PTPN3: variants seen among roughly 807,000 people sequenced by gnomAD.
PTPN3 encodes tyrosine-protein phosphatase non-receptor type 3.
A neutral mutation model predicts 132.7 loss-of-function variants in PTPN3; 96 were observed. The observed-to-expected ratio is 0.72, with a 90% CI of 0.61 to 0.86. The LOEUF (loss-of-function observed/expected upper bound fraction) is 0.86, where lower values mean the gene tolerates loss of function less well. Among genes scored for constraint, PTPN3 ranks in the 40% least tolerant of loss-of-function variants. The pLI is 0.00. For missense variants in PTPN3, 1,125 were observed against 1,159.6 expected (o/e 0.97, Z 0.43); for synonymous variants, 398 against 429.0 (o/e 0.93, Z 0.89).
At chr9:109,500,478 T>C (rs985519118), upstream of PTPN3, among the ~76,000 whole-genome samples, 3 of 152,052 alleles carry the variant, frequency 2.0e-5, no homozygotes, top group African/African-American at 7.2e-5. Context: ...AATGAAAGAA[T>C]ACTCCCCAAA....
intron 1 of PTPN3, among the ~76,000 whole-genome samples, chr9:109,493,682 G>T (rs917089594): frequency 6.6e-6 from 1 of 152,140 alleles, no homozygotes; most frequent in African/African-American, 2.4e-5. Flanking sequence ...CCCGTTCTTT[G>T]GTTCAGAAAA....
rs530200031 is a variant in PTPN3 at position 109,397,514 on chromosome 9, A to C, written c.1954-5953T>G. 2.0e-5 allele frequency: 3 copies of C among 152,294 alleles called. No homozygotes were observed. In the East Asian group the frequency reaches 5.8e-4, roughly 29 times the overall value. The allele number at this position is 152,294 out of a possible 1,614,324, so 9.4% of individuals were successfully genotyped here. On this transcript the variant is annotated intron_variant, in intron 19 of 25. Transcript: ENST00000374541. ...TTGTTTTAGTACCACTTGGTAGACA[A>C]ATTAACAGTTCACTACTCACGGGTA...
chr9:109,521,008 G>C, the PTPN3 span, among the ~76,000 whole-genome samples: 1 of 152,106 alleles, frequency 6.6e-6, no homozygotes, highest in Non-Finnish European at 1.5e-5. Flanking sequence ...TACTCACCTT[G>C]ATAGTCTCTC....
intron 1 of PTPN3, among the ~76,000 whole-genome samples, chr9:109,470,531 C>CA (rs35189837): frequency 0.3 from 41,133 of 137,838 alleles, 6,075 homozygotes; most frequent in South Asian, 0.41. Flanking sequence ...ATCATATCTA[C>CA]AAAAAAAAAA....
chr9:109,460,653 G>A (rs1008005689), intron 2 of PTPN3, among the ~76,000 whole-genome samples: 5 of 152,148 alleles, frequency 3.3e-5, no homozygotes, highest in African/African-American at 1.2e-4. Flanking sequence ...CCAGATGAAC[G>A]CCTGGTTCTT....
chr9:109,505,540 A>C, the PTPN3 span, among the ~76,000 whole-genome samples: 1 of 152,182 alleles, frequency 6.6e-6, no homozygotes, highest in South Asian at 2.1e-4. Context: ...TGGCCTCCCA[A>C]AGTGTTGGGA....
chr9:109,427,797 T>C (rs1843384949), intron 11 of PTPN3, among the ~76,000 whole-genome samples: 1 of 152,186 alleles, frequency 6.6e-6, no homozygotes, highest in African/African-American at 2.4e-5. Context: ...TAAGCATATA[T>C]TACCTTTGAA....
intron 13 of PTPN3, among the ~76,000 whole-genome samples, chr9:109,421,597 T>C (rs1842897916): frequency 6.6e-6 from 1 of 152,268 alleles, no homozygotes; most frequent in Non-Finnish European, 1.5e-5. Context: ...TCTGGGCCCC[T>C]GGCATTGCTG....
rs1588297198 is a variant in PTPN3 at position 109,388,589 on chromosome 9, G to A, written c.2253+644C>T. 3.3e-5 allele frequency among the ~76,000 whole-genome samples: 5 copies of A among 152,164 alleles called. No individual in the cohort carries two copies. In the East Asian group the frequency reaches 9.6e-4, roughly 29 times the overall value. On this transcript the variant is annotated intron_variant, in intron 22 of 25. Transcript: ENST00000374541. ...ACAGCAGCCATAGGAGTGGCTGGAG[G>A]AAGCTGAGGTCTCCTGGATCACAGA...
intron 1 of PTPN3, among the ~76,000 whole-genome samples, chr9:109,483,318 C>T (rs368835559): frequency 2.0e-5 from 3 of 152,328 alleles, no homozygotes; most frequent in South Asian, 4.1e-4. Flanking sequence ...TGCCCCAGCT[C>T]GGTGCTGGGC....
In PTPN3 at chr9:109,375,738, T is replaced by C. The variant is rs1024506040; in HGVS notation, c.*3818A>G. 6.6e-6 allele frequency: 1 copy of C among 152,266 alleles called. No homozygotes were observed. Among genetic ancestry groups the C allele is most frequent in the South Asian group, 2.1e-4 (1 of 4,828 alleles). 9.4% of individuals were successfully genotyped at this position (152,266 alleles called of 1,614,324 possible). On this transcript the variant is annotated 3_prime_UTR_variant, in exon 26 of 26. Transcript: ENST00000374541. ...ACATTTTTATATTGATTAAATTGTT[T>C]TTCAGTAGAATCACTGACAGAACAG... is the stretch of plus-strand genomic sequence containing the variant.
At chr9:109,458,358 A>G (rs890552673) in intron 2 of PTPN3, among the ~76,000 whole-genome samples, 6 of 152,228 alleles carry the variant, frequency 3.9e-5, no homozygotes, top group African/African-American at 1.2e-4. Flanking sequence ...GATGGCAAAC[A>G]GCATGGAGTG....
Position 109,404,511 on chromosome 9 carries a change from CA to C in PTPN3, c.1889del (p.Leu630TrpfsTer8), listed in dbSNP as rs1052598931. ...TCTTTAGCTGTGCCATGGATCCCTCCAAAGTGTCCCCACCCTCCGGACACAT... is the reference window on the plus strand; with the variant it reads ...TCTTTAGCTGTGCCATGGATCCCTCCAAGTGTCCCCACCCTCCGGACACAT... ...FPMCPEGGDT[L>X]EGSMAQLKKG... is the part of the protein sequence containing the mutation. On this transcript the variant is annotated frameshift_variant, in exon 19 of 26. Transcript: ENST00000374541. LOFTEE classifies it high-confidence loss of function. The C allele has an allele frequency of 6.4e-7, 1 of 1,563,992 alleles. No individual in the cohort carries two copies. Among genetic ancestry groups the C allele is most frequent in the Non-Finnish European group, 8.7e-7 (1 of 1,146,862 alleles).
chr9:109,426,768 A>T (rs1314511075), intron 12 of PTPN3, among the ~76,000 whole-genome samples, 182 bp downstream of exon 12: 1 of 152,170 alleles, frequency 6.6e-6, no homozygotes, highest in Non-Finnish European at 1.5e-5. Flanking sequence ...TGCTGGGAAC[A>T]TGAGATATCC....
the PTPN3 span, among the ~76,000 whole-genome samples, chr9:109,519,001 CT>C: frequency 6.6e-6 from 1 of 152,110 alleles, no homozygotes; most frequent in African/African-American, 2.4e-5. Context: ...CTGGAGCCCC[CT>C]AACTTCTCCT....
intron 19 of PTPN3, chr9:109,397,706 GCA>G (rs1482948341): frequency 6.6e-6 from 1 of 152,102 alleles, no homozygotes; most frequent in Admixed American, 6.5e-5. Context: ...CCCTTTCCAG[GCA>G]CAGTCCCAGA....
intron 1 of PTPN3, among the ~76,000 whole-genome samples, chr9:109,491,325 T>C (rs1434029579): frequency 2.0e-5 from 3 of 152,114 alleles, no homozygotes; most frequent in Non-Finnish European, 2.9e-5. Context: ...AGGAAATATA[T>C]GTAGGGGGAA....
intron 7 of PTPN3, among the ~76,000 whole-genome samples, chr9:109,439,928 A>G (rs1201045834): frequency 2.0e-5 from 3 of 151,272 alleles, no homozygotes; most frequent in African/African-American, 7.3e-5. Context: ...AAAAAAAAAA[A>G]GGGAAGATGC....
the PTPN3 span, among the ~76,000 whole-genome samples, chr9:109,510,071 C>G: frequency 6.6e-6 from 1 of 152,170 alleles, no homozygotes; most frequent in Non-Finnish European, 1.5e-5. Flanking sequence ...GCATATGCAG[C>G]AGAGGGAAGT....
Sources: gnomAD v4.1 joint callset for allele counts (sites outside exome capture counted in the v4.1 genomes callset) on GRCh38, gnomAD v4.1.1 for gene constraint, MANE v1.5 for transcripts, NCBI Gene and HGNC (gene_info 2026-07-23, HGNC 2026-07-21) for gene names.